The following MICAL2 variants were observed in gnomAD, a reference collection of about 807,000 sequenced individuals.
MICAL2 encodes [F-actin]-monooxygenase MICAL2.
Under a neutral mutation model 127.3 loss-of-function variants are expected in MICAL2, and 77 were observed. The ratio of observed to expected loss-of-function variants is 0.60; its 90% confidence interval spans 0.50 to 0.73. The LOEUF (loss-of-function observed/expected upper bound fraction) is 0.73, where lower values mean the gene tolerates loss of function less well. MICAL2 is among the 30% of genes least tolerant of loss of function. The pLI, the probability that MICAL2 is intolerant of heterozygous loss-of-function variation, is 0.00. For synonymous variants in MICAL2, 570 were observed against 551.1 expected (o/e 1.03, Z -0.48); for missense variants, 1,351 against 1,434.4 (o/e 0.94, Z 0.94).
Position 12,258,567 on chromosome 11 carries a change from C to T in MICAL2, c.3231+11C>T, listed in dbSNP as rs1259142783. On this transcript the variant is annotated intron_variant, in intron 25 of 27. Coordinates refer to ENST00000683283, the MANE Select transcript of MICAL2 (RefSeq NM_001282663.2). Reference sequence around the variant, plus strand: ...AAGCAACAAAGAGAGGTATGTTTGTCTCAAACATGCTGGTGAAACGGGGAA... The same window carrying T: ...AAGCAACAAAGAGAGGTATGTTTGTTTCAAACATGCTGGTGAAACGGGGAA... 6.2e-7 allele frequency: 1 copy of T among 1,607,988 alleles called. No individual in the cohort carries two copies. The highest frequency in any genetic ancestry group is 2.2e-5 in the East Asian group (1 of 44,868).
At chr11:12,143,882 C>A (rs1413748811) in intron 2 of MICAL2, among the ~76,000 whole-genome samples, 7 of 151,710 alleles carry the variant, frequency 4.6e-5, no homozygotes, top group Non-Finnish European at 7.4e-5. Flanking sequence ...TGAGGGTGAG[C>A]CAGAATTTTT....
At position 12,356,605 on chromosome 11, in the gene MICAL2, C is replaced by G. The variant is rs535296569; in HGVS notation, c.5690-1690C>G. On this transcript the variant is annotated intron_variant, in intron 34 of 34. Transcript: ENST00000646065. ...TGGTCTCATCCGTAGCCTGCCCACT[C>G]TCTCGGGGTGCCTGAGAGCCTGCGG... 2.0e-5 allele frequency among the ~76,000 whole-genome samples: 3 copies of G among 152,318 alleles called. No individual in the cohort carries two copies. In the South Asian group the frequency reaches 6.2e-4, roughly 32 times the overall value.
In MICAL2 at chr11:12,168,306, CACAT is replaced by C. The variant is rs200652811; in HGVS notation, c.264+5895_264+5898del. The stretch of plus-strand genomic sequence containing the variant: ...ATACACACACGCCACACACCATACA[CACAT>C]ACATACACACATCACACATACATAT... On this transcript the variant is annotated intron_variant, in intron 3 of 27. Transcript: ENST00000683283. Among the ~76,000 whole-genome samples the C allele has an allele frequency of 6.4e-3, 972 of 151,522 alleles. 6 individuals carry two copies. Among genetic ancestry groups the C allele is most frequent in the African/African-American group, 0.023 (930 of 41,240 alleles).
upstream of MICAL2, among the ~76,000 whole-genome samples, chr11:12,275,076 A>G (rs1863710567): frequency 6.6e-6 from 1 of 152,152 alleles, no homozygotes; most frequent in African/African-American, 2.4e-5. Flanking sequence ...GGATTTGCCG[A>G]TGACTTGAAT....
chr11:12,189,782 A>G (rs535312291), intron 3 of MICAL2, among the ~76,000 whole-genome samples: 33 of 152,268 alleles, frequency 2.2e-4, no homozygotes, highest in African/African-American at 7.5e-4. Flanking sequence ...ACCAGAGGGA[A>G]AGTGCCCTAG....
intron 1 of MICAL2, among the ~76,000 whole-genome samples, chr11:12,117,300 A>T (rs931418194): frequency 2.6e-5 from 4 of 152,222 alleles, no homozygotes; most frequent in Admixed American, 1.3e-4. Context: ...CTGCAACAGC[A>T]GGTTTCTGGG....
At chr11:12,137,807 C>T (rs1181237682) in intron 1 of MICAL2, among the ~76,000 whole-genome samples, 6 of 152,086 alleles carry the variant, frequency 3.9e-5, no homozygotes, top group Admixed American at 3.3e-4. Flanking sequence ...CTCTGGGCTT[C>T]GTTTTCCAAA....
rs540343329 is a variant in MICAL2, at chr11:12,191,447, G to A, written c.265-12803G>A. Among the ~76,000 whole-genome samples the A allele has an allele frequency of 1.4e-4, 21 of 149,270 alleles. No homozygotes were observed. The East Asian group carries it at 3.5e-3, about 25-fold the overall frequency. On this transcript the variant is annotated intron_variant, in intron 3 of 27. Coordinates refer to ENST00000683283, the MANE Select transcript of MICAL2 (RefSeq NM_001282663.2). Reference sequence around the variant, plus strand: ...AGATCATGCCATTGCACTCCAGCCCGGGCAGCAGAGCAAGACTATGTCTCA... The same window carrying A: ...AGATCATGCCATTGCACTCCAGCCCAGGCAGCAGAGCAAGACTATGTCTCA...
At chr11:12,275,230 G>A (rs764789570), upstream of MICAL2, among the ~76,000 whole-genome samples, 5 of 152,170 alleles carry the variant, frequency 3.3e-5, no homozygotes, top group African/African-American at 4.8e-5. Context: ...AACTCTGTTC[G>A]GACTTGTTGA....
intron 18 of MICAL2, among the ~76,000 whole-genome samples, chr11:12,241,629 G>C (rs1417010173): frequency 6.6e-6 from 1 of 152,212 alleles, no homozygotes; most frequent in Non-Finnish European, 1.5e-5. Flanking sequence ...ATAGCGGGCG[G>C]GAAGGCAGCT....
intron 12 of MICAL2, among the ~76,000 whole-genome samples, chr11:12,224,109 C>A (rs1259197012): frequency 1.3e-5 from 2 of 152,174 alleles, no homozygotes; most frequent in Admixed American, 6.5e-5. Flanking sequence ...AAACCACTTA[C>A]CATAATCAAC....
intron 13 of MICAL2, among the ~76,000 whole-genome samples, chr11:12,225,164 C>G (rs1287933127): frequency 6.6e-6 from 1 of 151,986 alleles, no homozygotes; most frequent in Non-Finnish European, 1.5e-5. Flanking sequence ...TGGGCCAGAC[C>G]TAGTTCCAGG....
chr11:12,320,505 G>T (rs1007220331), intron 30 of MICAL2, among the ~76,000 whole-genome samples: 1 of 152,162 alleles, frequency 6.6e-6, no homozygotes, highest in Admixed American at 6.5e-5. Context: ...AAGCTGGAGC[G>T]TTTTCACTGA....
At chr11:12,268,549 G>A (rs148265308), downstream of MICAL2, among the ~76,000 whole-genome samples, 12 of 152,290 alleles carry the variant, frequency 7.9e-5, no homozygotes, top group East Asian at 1.5e-3. Flanking sequence ...TGGAGGGTGC[G>A]GCCCCCATGC....
At chr11:12,223,529 G>C (rs974874636) in intron 12 of MICAL2, 28 bp downstream of exon 12, 61 of 1,600,192 alleles carry the variant, frequency 3.8e-5, no homozygotes, top group Non-Finnish European at 5.0e-5. Flanking sequence ...GACCCTGGTG[G>C]GTGGCTGGGA....
chr11:12,349,262 A>G (rs1278041018), intron 32 of MICAL2, among the ~76,000 whole-genome samples: 1 of 152,224 alleles, frequency 6.6e-6, no homozygotes, highest in Non-Finnish European at 1.5e-5. Flanking sequence ...ATATATGGAT[A>G]TAACTTTTCC....
chr11:12,225,115 G>A (rs1309319821), intron 13 of MICAL2, among the ~76,000 whole-genome samples: 1 of 150,580 alleles, frequency 6.6e-6, no homozygotes, highest in African/African-American at 2.4e-5. Context: ...TGGAATTTGA[G>A]CATTCACACC....
intron 15 of MICAL2, among the ~76,000 whole-genome samples, chr11:12,235,322 C>A (rs889367540): frequency 4.6e-5 from 7 of 152,156 alleles, no homozygotes; most frequent in Non-Finnish European, 8.8e-5. Context: ...CAGGGTGATG[C>A]AATGGGCTTG....
At chr11:12,237,922 G>T (rs1859312408) in intron 16 of MICAL2, among the ~76,000 whole-genome samples, 2 of 152,168 alleles carry the variant, frequency 1.3e-5, no homozygotes, top group Non-Finnish European at 2.9e-5. Flanking sequence ...CTTTGGTCTT[G>T]TACAAATAGT....
Sources: gnomAD v4.1 joint callset for allele counts (sites outside exome capture counted in the v4.1 genomes callset) on GRCh38, gnomAD v4.1.1 for gene constraint, MANE v1.5 for transcripts, NCBI Gene and HGNC (gene_info 2026-07-23, HGNC 2026-07-21) for gene names.